Variants in STX8 observed in about 807,000 individuals in gnomAD.
STX8 encodes the protein syntaxin 8.
Under a neutral mutation model 37.5 loss-of-function variants are expected in STX8, and 23 were observed. That is an observed-to-expected ratio of 0.61 (90% CI 0.44 to 0.87). STX8 has a LOEUF of 0.87. STX8 is among the 40% of genes least tolerant of loss of function. The pLI is 0.00. For missense variants in STX8, 313 were observed against 284.7 expected (o/e 1.10, Z -0.71); for synonymous variants, 115 against 99.1 (o/e 1.16, Z -0.95).
rs541269704 is a variant in STX8 at position 9,328,724 on chromosome 17, A to G, written c.643+49828T>C. Among the ~76,000 whole-genome samples, 3 of 152,284 alleles carry G rather than the reference A, an allele frequency of 2.0e-5. No homozygotes were observed. The East Asian group carries it at 5.8e-4, about 29-fold the overall frequency. Reference sequence around the variant, plus strand: ...AAATCCACCTCACTCATGGCCAAATATAAAATGTCATTCCTTCAGACATGT... The same window carrying G: ...AAATCCACCTCACTCATGGCCAAATGTAAAATGTCATTCCTTCAGACATGT... On this transcript the variant is annotated intron_variant, in intron 7 of 7. Transcript: ENST00000306357.
intron 6 of STX8, among the ~76,000 whole-genome samples, chr17:9,488,815 A>AGTGTGTGTGT (rs1293010664): frequency 1.0e-5 from 1 of 97,752 alleles, no homozygotes; most frequent in African/African-American, 3.9e-5. Flanking sequence ...AGAGAGAGAG[A>AGTGTGTGTGT]GAGAGAGTGT....
At chr17:9,321,553 CCT>C (rs1036394506) in intron 7 of STX8, among the ~76,000 whole-genome samples, 125 of 151,964 alleles carry the variant, frequency 8.2e-4, no homozygotes, top group African/African-American at 2.9e-3. Context: ...AGAGTCTCCC[CCT>C]GTCGCCCAGG....
chr17:9,456,797 T>C (rs887620316), intron 6 of STX8, among the ~76,000 whole-genome samples: 71 of 152,294 alleles, frequency 4.7e-4, no homozygotes, highest in African/African-American at 1.4e-3. Flanking sequence ...CTTTTGTGTC[T>C]TTTATTTTTA....
chr17:9,522,539 T>TA (rs1491280433), intron 4 of STX8, among the ~76,000 whole-genome samples: 4,048 of 112,480 alleles, frequency 0.036, 359 homozygotes, highest in African/African-American at 0.15. Flanking sequence ...CTACTAAAAA[T>TA]CCAAAAAAAA....
intron 6 of STX8, among the ~76,000 whole-genome samples, chr17:9,443,948 C>T (rs1904749443): frequency 6.6e-6 from 1 of 152,126 alleles, no homozygotes; most frequent in Non-Finnish European, 1.5e-5. Flanking sequence ...TTTGCCTGGC[C>T]CTTTTCATGA....
chr17:9,568,850 T>A (rs1907568372), intron 1 of STX8, among the ~76,000 whole-genome samples: 1 of 152,206 alleles, frequency 6.6e-6, no homozygotes, highest in South Asian at 2.1e-4. Context: ...ACATTTTCAT[T>A]CTAGCCAAAG....
At chr17:9,345,285 G>C (rs999974831) in intron 7 of STX8, among the ~76,000 whole-genome samples, 1 of 152,072 alleles carries the variant, frequency 6.6e-6, no homozygotes, top group African/African-American at 2.4e-5. Flanking sequence ...CAGTAGCTGG[G>C]ATTACAAGCA....
chr17:9,274,747 TTTTC>T (rs1473279374), intron 7 of STX8, among the ~76,000 whole-genome samples: 1 of 125,454 alleles, frequency 8.0e-6, no homozygotes, highest in African/African-American at 2.7e-5. Context: ...ACAATTTCTT[TTTTC>T]TTTTTTTTTT....
intron 2 of STX8, among the ~76,000 whole-genome samples, chr17:9,558,748 T>C (rs1452178685): frequency 6.6e-6 from 1 of 150,492 alleles, no homozygotes; most frequent in Non-Finnish European, 1.5e-5. Flanking sequence ...GCGTGAACCC[T>C]GGAGGCGGAG....
chr17:9,337,985 C>G (rs1158714373), intron 7 of STX8, among the ~76,000 whole-genome samples: 1 of 150,916 alleles, frequency 6.6e-6, no homozygotes, highest in Non-Finnish European at 1.5e-5. Context: ...TCCTGCTAGG[C>G]TACGGAAACC....
chr17:9,496,055 T>C (rs1476575623), intron 5 of STX8, among the ~76,000 whole-genome samples: 1 of 145,290 alleles, frequency 6.9e-6, no homozygotes, highest in East Asian at 2.0e-4. Context: ...AACCATACCA[T>C]GCAGTTTCTT....
intron 7 of STX8, among the ~76,000 whole-genome samples, chr17:9,369,900 A>AAAG (rs1911349260): frequency 6.8e-6 from 1 of 146,910 alleles, no homozygotes; most frequent in Non-Finnish European, 1.5e-5. Context: ...AAAAAAAAAA[A>AAAG]AAAAAAAAAA....
At chr17:9,430,294 T>C (rs1028944823) in intron 6 of STX8, among the ~76,000 whole-genome samples, 8 of 146,100 alleles carry the variant, frequency 5.5e-5, no homozygotes, top group Non-Finnish European at 8.9e-5. Context: ...ACTAACAGTG[T>C]GGTATAACCA....
chr17:9,434,855 G>A (rs771078296), intron 6 of STX8, among the ~76,000 whole-genome samples: 6 of 152,194 alleles, frequency 3.9e-5, no homozygotes, highest in African/African-American at 7.2e-5. Flanking sequence ...TAGAAAAGGG[G>A]TGGGGCATTT....
intron 5 of STX8, among the ~76,000 whole-genome samples, chr17:9,496,183 C>T (rs530008556): frequency 6.6e-6 from 1 of 151,732 alleles, no homozygotes; most frequent in South Asian, 2.1e-4. Context: ...TCAAGCAATT[C>T]TCCTGTCTCC....
intron 6 of STX8, among the ~76,000 whole-genome samples, chr17:9,429,221 T>A (rs540691627): frequency 8.0e-5 from 12 of 149,856 alleles, no homozygotes; most frequent in Admixed American, 2.0e-4. Context: ...ATTAATTTTT[T>A]AAAATTGTTT....
At chr17:9,388,753 A>C (rs960635705) in intron 6 of STX8, among the ~76,000 whole-genome samples, 6 of 151,494 alleles carry the variant, frequency 4.0e-5, no homozygotes, top group African/African-American at 1.5e-4. Context: ...CAGTGAGCCA[A>C]CACAGTGCCA....
Position 9,501,324 on chromosome 17 carries a change from T to C in STX8, c.448+3714A>G, listed in dbSNP as rs191818593. On this transcript the variant is annotated intron_variant, in intron 5 of 7. Coordinates refer to ENST00000306357, the MANE Select transcript of STX8 (RefSeq NM_004853.3). ...CTTACTTAATGACCCATCATAAAGG[T>C]AAAATAATTAATACAGTGAGGCATT... is the stretch of plus-strand genomic sequence containing the variant. Among the ~76,000 whole-genome samples, 3 of 152,274 alleles carry C rather than the reference T, an allele frequency of 2.0e-5. No individual in the cohort carries two copies. In the East Asian group the frequency reaches 5.8e-4, roughly 29 times the overall value.
At chr17:9,451,279 C>A (rs1905032056) in intron 6 of STX8, among the ~76,000 whole-genome samples, 1 of 152,060 alleles carries the variant, frequency 6.6e-6, no homozygotes, top group Non-Finnish European at 1.5e-5. Flanking sequence ...AAAACAGGAT[C>A]CCATAAGTCA....
Sources: gnomAD v4.1 joint callset for allele counts (sites outside exome capture counted in the v4.1 genomes callset) on GRCh38, gnomAD v4.1.1 for gene constraint, MANE v1.5 for transcripts, NCBI Gene and HGNC (gene_info 2026-07-23, HGNC 2026-07-21) for gene names.